AKAP6: variants seen among roughly 807,000 people sequenced by gnomAD.
AKAP6 encodes A-kinase anchoring protein 6.
AKAP6 carries 58 observed loss-of-function variants against 188.5 expected under a neutral mutation model. The ratio of observed to expected loss-of-function variants is 0.31; its 90% CI spans 0.25 to 0.38. The LOEUF is 0.38. AKAP6 is among the 10% of genes least tolerant of loss of function. AKAP6 has a pLI of 1.00. For synonymous variants in AKAP6, 989 were observed against 998.6 expected, an observed-to-expected ratio of 0.99 and a Z score of 0.18; for missense variants, 2,710 against 2,740.0, an observed-to-expected ratio of 0.99 and a Z score of 0.24.
At chr14:32,536,105 A>G (rs1289533997) in intron 3 of AKAP6, among the ~76,000 whole-genome samples, 1 of 152,224 alleles carries the variant, frequency 6.6e-6, no homozygotes, top group Non-Finnish European at 1.5e-5. Context: ...ACTATGTGTC[A>G]GACACTCAGT....
At chr14:32,402,154 C>T (rs1322696057) in intron 1 of AKAP6, 2 of 152,158 alleles carry the variant, frequency 1.3e-5, no homozygotes, top group African/African-American at 4.8e-5. Flanking sequence ...AAGTTAAGAA[C>T]CTCAAATCAA....
chr14:32,360,752 C>G (rs1054588435), intron 1 of AKAP6, among the ~76,000 whole-genome samples: 1 of 71,562 alleles, frequency 1.4e-5, no homozygotes, highest in Non-Finnish European at 3.3e-5. Context: ...TGTGTGTGTG[C>G]ATGCATTTTT....
chr14:32,768,797 T>TA (rs1311630919), intron 11 of AKAP6, among the ~76,000 whole-genome samples: 1 of 152,154 alleles, frequency 6.6e-6, no homozygotes, highest in Non-Finnish European at 1.5e-5. Flanking sequence ...GCTTGCTTGT[T>TA]AAAGCATGGT....
intron 1 of AKAP6, among the ~76,000 whole-genome samples, chr14:32,348,468 G>A (rs1338918541): frequency 7.1e-6 from 1 of 141,502 alleles, no homozygotes; most frequent in Non-Finnish European, 1.5e-5. Flanking sequence ...AGGCTAAAGT[G>A]CAATGACACA....
chr14:32,348,403 CTTTTCTTTTGTTTCTTTT>C (rs1236763355), intron 1 of AKAP6, among the ~76,000 whole-genome samples: 5,829 of 125,570 alleles, frequency 0.046, 399 homozygotes, highest in African/African-American at 0.16. Context: ...GGGGTTCTTT[CTTTTCTTTTGTTTCTTTT>C]TTTTTTTTTT....
chr14:32,695,341 T>G (rs572183329), intron 8 of AKAP6, among the ~76,000 whole-genome samples: 3 of 152,280 alleles, frequency 2.0e-5, no homozygotes, highest in African/African-American at 7.2e-5. Flanking sequence ...TACTCATCCA[T>G]AACAATAAAT....
intron 4 of AKAP6, among the ~76,000 whole-genome samples, chr14:32,563,899 T>A (rs1336365943): frequency 6.6e-6 from 1 of 152,248 alleles, no homozygotes; most frequent in Non-Finnish European, 1.5e-5. Flanking sequence ...TATAATTTTG[T>A]CACACAACAA....
intron 1 of AKAP6, among the ~76,000 whole-genome samples, chr14:32,377,740 C>T (rs1888205379): frequency 6.6e-6 from 1 of 152,184 alleles, no homozygotes; most frequent in Non-Finnish European, 1.5e-5. Flanking sequence ...GTTCAGAGGG[C>T]TCTGTAGGAG....
Position 32,824,643 on chromosome 14 carries a change from T to C in AKAP6, c.6830T>C (p.Val2277Ala). 6.2e-7 allele frequency: 1 copy of C among 1,613,908 alleles called. No homozygotes were observed. Among genetic ancestry groups the C allele is most frequent in the Non-Finnish European group, 8.5e-7 (1 of 1,179,910 alleles). Reference protein sequence around the residue: ...EHNAASAKSKVQDLSLKANQP... With the variant: ...EHNAASAKSKAQDLSLKANQP... Reference sequence around the variant, plus strand: ...AATGCTGCTTCAGCCAAATCTAAAGTTCAAGACCTCTCCTTGAAGGCAAAT... The same window carrying C: ...AATGCTGCTTCAGCCAAATCTAAAGCTCAAGACCTCTCCTTGAAGGCAAAT... The change falls in exon 13 of 14, where the codon GTT becomes GCT. Residue 2277 changes from valine to alanine, a missense_variant. Val to Ala is a moderately conservative substitution (Grantham distance 64). This residue lies in a region of AKAP6 where 2,473 missense variants were observed against 2,426.1 expected (regional missense o/e 1.02). Coordinates refer to ENST00000280979, the MANE Select transcript of AKAP6 (RefSeq NM_004274.5).
intron 1 of AKAP6, among the ~76,000 whole-genome samples, chr14:32,355,710 T>C (rs895169582): frequency 5.3e-5 from 8 of 152,196 alleles, no homozygotes; most frequent in African/African-American, 1.9e-4. Flanking sequence ...TTAATAACTT[T>C]AATGTGATAT....
At chr14:32,449,758 A>T (rs1890876207) in intron 2 of AKAP6, among the ~76,000 whole-genome samples, 1 of 152,166 alleles carries the variant, frequency 6.6e-6, no homozygotes. Context: ...AAAATAGTGG[A>T]AGGTATTCTT....
intron 1 of AKAP6, among the ~76,000 whole-genome samples, chr14:32,355,588 A>G (rs1887454685): frequency 6.6e-6 from 1 of 152,226 alleles, no homozygotes; most frequent in South Asian, 2.1e-4. Context: ...AAATTGTGAT[A>G]TAGTAATATT....
chr14:32,681,677 A>ATT (rs34833229), intron 8 of AKAP6, among the ~76,000 whole-genome samples: 30,141 of 138,156 alleles, frequency 0.22, 4,128 homozygotes, highest in East Asian at 0.55. Context: ...AATTTGACAA[A>ATT]TTTTTTTTTT....
intron 7 of AKAP6, among the ~76,000 whole-genome samples, chr14:32,668,025 A>T (rs1889024517): frequency 6.6e-6 from 1 of 152,096 alleles, no homozygotes; most frequent in South Asian, 2.1e-4. Context: ...TTTCTACCAG[A>T]AAGTAAATAA....
chr14:32,601,364 C>T (rs12880113), intron 7 of AKAP6, among the ~76,000 whole-genome samples: 18,417 of 152,084 alleles, frequency 0.12, 1,309 homozygotes, highest in Admixed American at 0.21. Context: ...GTACAAGCAC[C>T]GAATACAACA....
intron 2 of AKAP6, among the ~76,000 whole-genome samples, chr14:32,490,296 T>C (rs535780336): frequency 1.6e-3 from 251 of 152,312 alleles, no homozygotes; most frequent in Admixed American, 2.3e-3. Context: ...AGGCCTGACA[T>C]TGCTGTCTTT....
intron 8 of AKAP6, among the ~76,000 whole-genome samples, chr14:32,694,127 C>T (rs1241199471): frequency 4.6e-5 from 7 of 151,934 alleles, no homozygotes; most frequent in South Asian, 2.1e-4. Flanking sequence ...TTTGGGAGGC[C>T]GAGGTGGGCG....
chr14:32,575,063 T>A (rs1486047735), intron 4 of AKAP6, among the ~76,000 whole-genome samples: 1 of 151,944 alleles, frequency 6.6e-6, no homozygotes, highest in Non-Finnish European at 1.5e-5. Flanking sequence ...GATAAAGGAG[T>A]TTAGGAAATA....
At chr14:32,503,275 T>G (rs1880698086) in intron 2 of AKAP6, among the ~76,000 whole-genome samples, 1 of 152,138 alleles carries the variant, frequency 6.6e-6, no homozygotes, top group Non-Finnish European at 1.5e-5. Flanking sequence ...AGTTGTGTTG[T>G]TGGTCTTTTC....
Sources: gnomAD v4.1 joint callset for allele counts (sites outside exome capture counted in the v4.1 genomes callset) on GRCh38, gnomAD v4.1.1 for gene constraint, gnomAD v4.1.1 regional missense constraint, MANE v1.5 for transcripts, NCBI Gene and HGNC (gene_info 2026-07-23, HGNC 2026-07-21) for gene names.